The following FSTL5 variants were observed in gnomAD, a reference collection of about 807,000 sequenced individuals.
FSTL5 encodes follistatin like 5.
Under a neutral mutation model 89.1 loss-of-function variants are expected in FSTL5, and 62 were observed. The ratio of observed to expected loss-of-function variants is 0.70; its 90% CI spans 0.57 to 0.86. The LOEUF is 0.86. FSTL5 is among the 40% of genes least tolerant of loss of function. The pLI is 0.00. For missense variants in FSTL5, 1,057 were observed against 1,001.6 expected, an observed-to-expected ratio of 1.06 and a Z score of -0.75; for synonymous variants, 383 against 346.2, an observed-to-expected ratio of 1.11 and a Z score of -1.18.
intron 8 of FSTL5, among the ~76,000 whole-genome samples, chr4:161,587,063 A>C (rs1733639471): frequency 6.6e-6 from 1 of 152,138 alleles, no homozygotes; most frequent in East Asian, 1.9e-4. Context: ...CAAGAGTATA[A>C]AACTTGCTAT....
At chr4:162,107,588 A>T (rs1278006795) in intron 2 of FSTL5, among the ~76,000 whole-genome samples, 2 of 152,122 alleles carry the variant, frequency 1.3e-5, no homozygotes, top group Admixed American at 6.6e-5. Flanking sequence ...GTGAGTCTTC[A>T]TGGGGAGGTT....
chr4:161,945,530 G>A (rs144588949), intron 3 of FSTL5, among the ~76,000 whole-genome samples: 1,611 of 152,260 alleles, frequency 0.011, 24 homozygotes, highest in African/African-American at 0.036. Context: ...GAGGCAGTTG[G>A]ATCACGAGGT....
intron 7 of FSTL5, among the ~76,000 whole-genome samples, chr4:161,621,118 G>T (rs771822227): frequency 1.3e-5 from 2 of 152,124 alleles, no homozygotes; most frequent in African/African-American, 4.8e-5. Context: ...AAGATGTACC[G>T]TATGGAGGCC....
chr4:161,941,683 A>C (rs1430889933), intron 3 of FSTL5, among the ~76,000 whole-genome samples: 1 of 151,982 alleles, frequency 6.6e-6, no homozygotes, highest in East Asian at 1.9e-4. Context: ...AGAAATTTGC[A>C]GTTCTAGTTG....
chr4:162,152,057 CATT>C (rs1733244620), intron 1 of FSTL5, among the ~76,000 whole-genome samples: 1 of 152,158 alleles, frequency 6.6e-6, no homozygotes, highest in South Asian at 2.1e-4. Flanking sequence ...CGACTACAGA[CATT>C]ATCAATTAAG....
chr4:161,521,647 G>A (rs964402917), intron 10 of FSTL5, among the ~76,000 whole-genome samples: 1 of 151,828 alleles, frequency 6.6e-6, no homozygotes, highest in Non-Finnish European at 1.5e-5. Context: ...AGGAGATCGA[G>A]ACCATCCTGG....
intron 2 of FSTL5, among the ~76,000 whole-genome samples, chr4:162,068,991 G>A (rs1438931180): frequency 6.6e-6 from 1 of 152,014 alleles, no homozygotes; most frequent in Middle Eastern, 3.2e-3. Flanking sequence ...AAACCACAAT[G>A]AGATATCATC....
intron 6 of FSTL5, among the ~76,000 whole-genome samples, chr4:161,667,129 A>C (rs931942979): frequency 6.6e-6 from 1 of 152,070 alleles, no homozygotes; most frequent in African/African-American, 2.4e-5. Context: ...TTAATTCATG[A>C]CTTTGACATT....
At chr4:161,699,144 T>A (rs1180968089) in intron 6 of FSTL5, among the ~76,000 whole-genome samples, 1 of 152,206 alleles carries the variant, frequency 6.6e-6, no homozygotes, top group Non-Finnish European at 1.5e-5. Flanking sequence ...CTTTGTTTCC[T>A]TATTTTTAGA....
intron 2 of FSTL5, among the ~76,000 whole-genome samples, chr4:162,040,089 TA>T (rs536533526): frequency 5.7e-4 from 87 of 152,178 alleles, no homozygotes; most frequent in Non-Finnish European, 1.1e-3. Flanking sequence ...GCAGGCTGAC[TA>T]GTTGAATTTC....
chr4:161,812,923 G>T (rs1478684389), intron 4 of FSTL5, among the ~76,000 whole-genome samples: 19 of 98,192 alleles, frequency 1.9e-4, no homozygotes, highest in African/African-American at 6.0e-4. Context: ...CGTTTTAGAA[G>T]AATAAGAGCC....
At chr4:162,039,911 G>A (rs1275334636) in intron 2 of FSTL5, among the ~76,000 whole-genome samples, 1 of 151,916 alleles carries the variant, frequency 6.6e-6, no homozygotes, top group African/African-American at 2.4e-5. Context: ...TCACCAAAGT[G>A]TCCTTATGTA....
At chr4:161,572,344 A>G (rs909430231) in intron 8 of FSTL5, among the ~76,000 whole-genome samples, 1 of 122,700 alleles carries the variant, frequency 8.1e-6, no homozygotes, top group East Asian at 4.3e-4. Context: ...AAAAAAAAAA[A>G]GAGAGAGAGA....
chr4:162,141,351 G>A (rs545724969), intron 1 of FSTL5, among the ~76,000 whole-genome samples: 1 of 87,610 alleles, frequency 1.1e-5, no homozygotes, highest in Non-Finnish European at 2.7e-5. Flanking sequence ...TCCTGACCTC[G>A]TGATCCGCCC....
At chr4:162,080,126 C>T (rs1336232876) in intron 2 of FSTL5, among the ~76,000 whole-genome samples, 1 of 151,628 alleles carries the variant, frequency 6.6e-6, no homozygotes. Context: ...CTATCACATA[C>T]TGAGCAACGT....
chr4:162,063,618 C>G (rs756504537), intron 2 of FSTL5, among the ~76,000 whole-genome samples: 32 of 151,902 alleles, frequency 2.1e-4, no homozygotes, highest in Admixed American at 9.2e-4. Context: ...TAAATTTGAC[C>G]TGTACAGTTA....
At chr4:161,934,708 G>A (rs1734386236) in intron 3 of FSTL5, among the ~76,000 whole-genome samples, 1 of 151,866 alleles carries the variant, frequency 6.6e-6, no homozygotes, top group Admixed American at 6.6e-5. Context: ...ATCAATGTAT[G>A]CAAATCTCTT....
chr4:161,694,360 T>A (rs920776329), intron 6 of FSTL5, among the ~76,000 whole-genome samples: 1 of 152,134 alleles, frequency 6.6e-6, no homozygotes, highest in Non-Finnish European at 1.5e-5. Context: ...CAGTGAATGT[T>A]GTATTTTTCT....
rs372147726 is a variant in FSTL5 at position 161,785,369 on chromosome 4, T to C, written c.410-9295A>G. On this transcript the variant is annotated intron_variant, in intron 4 of 15. Transcript: ENST00000306100. ...TATGCATATTCAATAATAAATCATA[T>C]TTCCCCTATCATCTACACTGGAACA... Among the ~76,000 whole-genome samples, 6 of 151,986 alleles carry C rather than the reference T, an allele frequency of 3.9e-5. No individual in the cohort carries two copies. The South Asian group carries it at 1.2e-3, about 31-fold the overall frequency.
Sources: allele counts gnomAD v4.1 joint callset (sites outside exome capture counted in the v4.1 genomes callset), GRCh38; gene constraint gnomAD v4.1.1; transcripts MANE v1.5; gene names NCBI Gene and HGNC (gene_info 2026-07-23, HGNC 2026-07-21).